TGFB1: variants seen among roughly 807,000 people sequenced by gnomAD.
TGFB1 encodes the protein transforming growth factor beta-1 proprotein.
TGFB1 carries 19 observed loss-of-function variants against 43.8 expected under a neutral mutation model. The ratio of observed to expected loss-of-function variants is 0.43; its 90% CI spans 0.30 to 0.64. The LOEUF (loss-of-function observed/expected upper bound fraction) is 0.64. Among genes scored for constraint, TGFB1 ranks in the 30% least tolerant of loss-of-function variants. TGFB1 has a pLI of 0.11. For missense variants in TGFB1, 445 were observed against 529.8 expected (o/e 0.84, Z 1.57); for synonymous variants, 221 against 236.3 (o/e 0.94, Z 0.60).
chr19:41,338,628 C>G lies in TGFB1; in HGVS notation c.860+3255G>C, dbSNP rs377478985. ...CTGAGGTGGGCGGATTGCCTGACCT[C>G]AGGAGTTCAAGACCAGCCTGGGCAA... On this transcript the variant is annotated intron_variant, in intron 5 of 6. Transcript: ENST00000221930. Among the ~76,000 whole-genome samples the G allele has an allele frequency of 2.0e-4, 31 of 152,068 alleles. No homozygotes were observed. The East Asian group carries it at 3.1e-3, about 15-fold the overall frequency.
At position 41,353,914 on chromosome 19, in the gene TGFB1, G is replaced by C. The variant is rs954508321; in HGVS notation, c.-870C>G. On this transcript the variant is annotated 5_prime_UTR_variant, in exon 1 of 7. Transcript: ENST00000221930. The surrounding 1 kb of genome is among the most constrained non-coding windows in gnomAD (Gnocchi z 5.9). The stretch of plus-strand genomic sequence containing the variant: ...GGAGATGGCCCAGGGCGCGAAGGGC[G>C]GCGGCGGCGGGGACCGGCTGGGTCG... 8.5e-6 allele frequency: 2 copies of C among 235,650 alleles called. No homozygotes were observed. Among genetic ancestry groups the C allele is most frequent in the African/African-American group, 4.5e-5 (2 of 44,152 alleles). 14.6% of individuals were successfully genotyped at this position (235,650 alleles called of 1,614,324 possible). A position where few individuals can be genotyped will look rare whatever the true frequency, so the allele number is the denominator to read the frequency against.
intron 5 of TGFB1, among the ~76,000 whole-genome samples, chr19:41,334,516 C>T (rs1326399646): frequency 7.0e-6 from 1 of 142,654 alleles, no homozygotes; most frequent in Non-Finnish European, 1.5e-5. Flanking sequence ...GCAACCTCTG[C>T]TCATAGATTG....
In TGFB1 at chr19:41,330,982, TGGGCAAGGCAGCGGGGGCG is replaced by T. The variant is rs2037922063; in HGVS notation, c.*51_*69del. The T allele has an allele frequency of 8.1e-7, 1 of 1,236,774 alleles. No individual in the cohort carries two copies. Among genetic ancestry groups the T allele is most frequent in the Non-Finnish European group, 1.0e-6 (1 of 981,024 alleles). 76.6% of individuals were successfully genotyped at this position (1,236,774 alleles called of 1,614,324 possible). On this transcript the variant is annotated 3_prime_UTR_variant, in exon 7 of 7. Transcript: ENST00000221930. The stretch of plus-strand genomic sequence containing the variant: ...CGGGTGTCCTTAAATACAGCCCCCA[TGGGCAAGGCAGCGGGGGCG>T]GGGCGGGGTGGGGCCGGGCCTGCCG...
chr19:41,349,908 A>T (rs1275976611), intron 1 of TGFB1, among the ~76,000 whole-genome samples: 1 of 152,162 alleles, frequency 6.6e-6, no homozygotes, highest in African/African-American at 2.4e-5. Context: ...GAGATTAAGT[A>T]ATTTGCCCCA....
Position 41,330,763 on chromosome 19 carries a change from G to A in TGFB1, c.*289C>T, listed in dbSNP as rs980910845. On this transcript the variant is annotated 3_prime_UTR_variant, in exon 7 of 7. Transcript: ENST00000221930. ...AATAAATAGATCTAACTACAGTAGT[G>A]TTCCCCACTGGTCCCCTGTGCCTTG... 4 of 422,410 alleles carry A rather than the reference G, an allele frequency of 9.5e-6. No individual in the cohort carries two copies. The highest frequency in any genetic ancestry group is 1.3e-5 in the Non-Finnish European group (3 of 234,166). 26.2% of individuals were successfully genotyped at this position (422,410 alleles called of 1,614,324 possible). A position where few individuals can be genotyped will look rare whatever the true frequency, so the allele number is the denominator to read the frequency against.
At chr19:41,331,331 C>G in intron 6 of TGFB1, 121 bp from the exon 7 acceptor site, 2 of 1,203,666 alleles carry the variant, frequency 1.7e-6, no homozygotes, top group Non-Finnish European at 2.2e-6. Flanking sequence ...CCCCGCATCC[C>G]CTCTTCCCAT....
chr19:41,348,527 A>G (rs2038144361), intron 1 of TGFB1, 72 bp from the exon 2 acceptor site: 5 of 1,558,528 alleles, frequency 3.2e-6, no homozygotes, highest in Non-Finnish European at 4.4e-6. Flanking sequence ...TCCCAACTCT[A>G]GGAGTTTTGG....
Position 41,352,901 on chromosome 19 carries a change from G to A in TGFB1, c.144C>T (p.Ala48=). The change falls in exon 1 of 7, where the codon GCC becomes GCT. Residue 48 remains alanine (A), a synonymous_variant. Transcript: ENST00000221930. ...MELVKRKRIE[A]IRGQILSKLR... ...GCTTGGACAGGATCTGGCCGCGGAT[G>A]GCCTCGATGCGCTTCCGCTTCACCA... 1 of 1,560,372 alleles carries A rather than the reference G, an allele frequency of 6.4e-7. No individual in the cohort carries two copies. Among genetic ancestry groups the A allele is most frequent in the Non-Finnish European group, 8.7e-7 (1 of 1,153,562 alleles).
intron 5 of TGFB1, among the ~76,000 whole-genome samples, chr19:41,336,560 AT>A (rs55943202): frequency 4.8e-4 from 69 of 143,730 alleles, no homozygotes; most frequent in Middle Eastern, 3.7e-3. Flanking sequence ...TACTTTTCAT[AT>A]TTTTTTTTTT....
Position 41,335,641 on chromosome 19 carries a change from C to T in TGFB1, c.861-3360G>A, listed in dbSNP as rs145512469. The stretch of plus-strand genomic sequence containing the variant: ...CACACATTCGGGGCCTACCCTGCAC[C>T]GGGCCTTGGGATACCCACAGCCCTT... On this transcript the variant is annotated intron_variant, in intron 5 of 6. Coordinates refer to ENST00000221930, the MANE Select transcript of TGFB1 (RefSeq NM_000660.7). Among the ~76,000 whole-genome samples, 421 of 152,266 alleles carry T rather than the reference C, an allele frequency of 2.8e-3. 1 individual carries two copies. Among genetic ancestry groups the T allele is most frequent in the African/African-American group, 9.7e-3 (404 of 41,544 alleles).
intron 2 of TGFB1, among the ~76,000 whole-genome samples, chr19:41,345,901 CAAA>C (rs896920695): frequency 7.5e-6 from 1 of 133,916 alleles, no homozygotes; most frequent in Non-Finnish European, 1.6e-5. Context: ...GACTCTGTCT[CAAA>C]AAAAAAAAAA....
intron 5 of TGFB1, among the ~76,000 whole-genome samples, chr19:41,338,408 T>C (rs1159399207): frequency 1.3e-5 from 2 of 149,700 alleles, no homozygotes; most frequent in African/African-American, 4.9e-5. Context: ...GCAGGAGAAT[T>C]GCTTGAACCC....
chr19:41,341,466 CAAAAAAAAA>C (rs770264069), intron 5 of TGFB1, among the ~76,000 whole-genome samples: 4 of 35,586 alleles, frequency 1.1e-4, no homozygotes, highest in Admixed American at 4.5e-4. Context: ...GACTCTGTCT[CAAAAAAAAA>C]AAAAAAAAAA....
chr19:41,337,065 C>A (rs1426031297), intron 5 of TGFB1, among the ~76,000 whole-genome samples: 1 of 151,826 alleles, frequency 6.6e-6, no homozygotes, highest in African/African-American at 2.4e-5. Flanking sequence ...TCAAGTGATT[C>A]TCCTGCCTCA....
At chr19:41,338,055 G>A (rs541661951) in intron 5 of TGFB1, among the ~76,000 whole-genome samples, 138 of 151,738 alleles carry the variant, frequency 9.1e-4, no homozygotes, top group African/African-American at 3.2e-3. Flanking sequence ...ACCCGGGTGC[G>A]ATGGCGGATG....
intron 5 of TGFB1, among the ~76,000 whole-genome samples, chr19:41,335,632 A>G (rs1035137670): frequency 2.6e-5 from 4 of 152,114 alleles, no homozygotes; most frequent in African/African-American, 4.8e-5. Flanking sequence ...TTCGGGGCCT[A>G]CCCTGCACCG....
At chr19:41,338,298 A>G (rs1298996322) in intron 5 of TGFB1, among the ~76,000 whole-genome samples, 1 of 151,866 alleles carries the variant, frequency 6.6e-6, no homozygotes, top group Non-Finnish European at 1.5e-5. Context: ...GTTCAAGACC[A>G]GCCTGGCCAA....
chr19:41,347,586 GGGA>G (rs1195538224), intron 2 of TGFB1, among the ~76,000 whole-genome samples: 2 of 152,104 alleles, frequency 1.3e-5, no homozygotes, highest in Admixed American at 1.3e-4. Flanking sequence ...CCAGCACTCT[GGGA>G]GGCTCAGGTA....
chr19:41,338,656 C>A (rs563751659), intron 5 of TGFB1, among the ~76,000 whole-genome samples: 14 of 151,484 alleles, frequency 9.2e-5, no homozygotes, highest in Non-Finnish European at 1.6e-4. Context: ...CTGGGCAATA[C>A]GGTGAAACCC....
Sources: allele counts gnomAD v4.1 joint callset (sites outside exome capture counted in the v4.1 genomes callset), GRCh38; gene constraint gnomAD v4.1.1; non-coding constraint Gnocchi (gnomAD v3.1); transcripts MANE v1.5; gene names NCBI Gene and HGNC (gene_info 2026-07-23, HGNC 2026-07-21).